The following NDOR1 variants were observed in gnomAD, a reference collection of about 807,000 sequenced individuals.
NDOR1 encodes the protein NADPH dependent diflavin oxidoreductase 1, also known as NADPH-dependent diflavin oxidoreductase 1.
A neutral mutation model predicts 67.2 loss-of-function variants in NDOR1; 61 were observed. The observed-to-expected ratio is 0.91, with a 90% CI of 0.74 to 1.12. NDOR1 has a LOEUF of 1.12. Ranked by LOEUF, NDOR1 falls within the 50% of genes most tolerant of loss-of-function variation. The pLI is 0.00. For synonymous variants in NDOR1, 378 were observed against 343.7 expected, an observed-to-expected ratio of 1.10 and a Z score of -1.10; for missense variants, 878 against 802.8, an observed-to-expected ratio of 1.09 and a Z score of -1.13.
Position 137,214,997 on chromosome 9 carries a change from G to GC in NDOR1, c.1048dup (p.Arg350ProfsTer10), listed in dbSNP as rs2131375574. 4.3e-6 allele frequency: 7 copies of GC among 1,613,140 alleles called. No individual in the cohort carries two copies. The highest frequency in any genetic ancestry group is 4.2e-6 in the Non-Finnish European group (5 of 1,179,530). ...AGGAGCTCTTTGAATACTGCAACCG[G>GC]CCCCGCAGGACCATCCTGGAGGTGA... On this transcript the variant is annotated frameshift_variant, in exon 8 of 14. Coordinates refer to ENST00000684003, the MANE Select transcript of NDOR1 (RefSeq NM_014434.4). LOFTEE classifies it high-confidence loss of function.
chr9:137,215,001 C>G lies in NDOR1; in HGVS notation c.1048C>G (p.Arg350Gly). Residue 350 changes from arginine (R) to glycine (G), a missense_variant, in exon 8 of 14, where the codon CGC (arginine) becomes GGC (glycine). Physicochemically the swap from Arg to Gly is moderately radical, Grantham distance 125. Coordinates refer to ENST00000684003, the MANE Select transcript of NDOR1 (RefSeq NM_014434.4). ...GCTCTTTGAATACTGCAACCGGCCC[C>G]GCAGGACCATCCTGGAGGTGAGATG... ...EELFEYCNRPRRTILEVLCDF... is the reference protein window; with the variant it reads ...EELFEYCNRPGRTILEVLCDF... 1 of 1,612,848 alleles carries G rather than the reference C, an allele frequency of 6.2e-7. No individual in the cohort carries two copies. The highest frequency in any genetic ancestry group is 8.5e-7 in the Non-Finnish European group (1 of 1,179,230).
rs1378360108 is a variant in NDOR1, at chr9:137,214,784, C to T, written c.845-14C>T. The T allele has an allele frequency of 1.9e-6, 3 of 1,599,180 alleles. No individual in the cohort carries two copies. Among genetic ancestry groups the T allele is most frequent in the Admixed American group, 1.7e-5 (1 of 59,930 alleles). On this transcript the variant is annotated splice_polypyrimidine_tract_variant and intron_variant, in intron 7 of 13. Coordinates refer to ENST00000684003, the MANE Select transcript of NDOR1 (RefSeq NM_014434.4). ...TCCGCCGCAGCCCACGGAGGCCTCC[C>T]ACTCACCCTGCAGATGTCTCCTCCC...
rs1564401721 is a variant in NDOR1, at chr9:137,215,966, G to C, written c.1503G>C (p.Glu501Asp). Residue 501 changes from glutamate to aspartate, a missense_variant, in exon 12 of 14, where the codon GAG (glutamate) becomes GAC (aspartate). By Grantham distance (45) the Glu-to-Asp change is conservative (BLOSUM62 2). Coordinates refer to ENST00000684003, the MANE Select transcript of NDOR1 (RefSeq NM_014434.4). The stretch of plus-strand genomic sequence containing the variant: ...TCTACTGGGAGGCTGAGTGGCAGGA[G>C]CTGGAGAAGCGGGACTGTCTGACCC... ...QDFYWEAEWQ[E>D]LEKRDCLTLI... 6.2e-7 allele frequency: 1 copy of C among 1,613,388 alleles called. No homozygotes were observed. Among genetic ancestry groups the C allele is most frequent in the East Asian group, 2.2e-5 (1 of 44,892 alleles).
At position 137,217,507 on chromosome 9, in the gene NDOR1, T is replaced by C. The variant is rs1835678515; in HGVS notation, c.*1091T>C. 6.5e-6 allele frequency: 1 copy of C among 154,024 alleles called. No individual in the cohort carries two copies. The highest frequency in any genetic ancestry group is 2.4e-5 in the African/African-American group (1 of 41,532). The allele number at this position is 154,024 out of a possible 1,614,324, so 9.5% of individuals were successfully genotyped here. ...CGGTGGCTGTTCACACCCGCCTCGCTGTCTTGGAGTCTTGATCTGTCGTCG... is the reference window on the plus strand; with the variant it reads ...CGGTGGCTGTTCACACCCGCCTCGCCGTCTTGGAGTCTTGATCTGTCGTCG... On this transcript the variant is annotated 3_prime_UTR_variant, in exon 14 of 14. Transcript: ENST00000684003.
chr9:137,215,628 T>C, intron 10 of NDOR1, 31 bp from the exon 11 acceptor site: 1 of 1,586,542 alleles, frequency 6.3e-7, no homozygotes, highest in Non-Finnish European at 8.6e-7. Flanking sequence ...AGGTCTTTGA[T>C]CCTCTTCATG....
At position 137,214,808 on chromosome 9, in the gene NDOR1, C is replaced by T. The variant is rs752527246; in HGVS notation, c.855C>T (p.Ser285=). The T allele has an allele frequency of 5.6e-6, 9 of 1,603,250 alleles. No homozygotes were observed. The highest frequency in any genetic ancestry group is 7.6e-6 in the Non-Finnish European group (9 of 1,178,272). ...MLQPREPDVS[S]PTRLPQPCSM... ...CCACTCACCCTGCAGATGTCTCCTC[C>T]CCCACGAGGCTGCCCCAGCCCTGCT... The change falls in exon 8 of 14, where the codon TCC becomes TCT. Residue 285 remains serine, a synonymous_variant. Transcript: ENST00000684003.
In NDOR1 at chr9:137,206,328, G is replaced by A. The variant is rs1443130259; in HGVS notation, c.213+19G>A. The stretch of plus-strand genomic sequence containing the variant: ...CATGAAGGTAAGGCTGGCCTGATGT[G>A]GCTCCTCAGATCCCTGCCCTCGACC... On this transcript the variant is annotated intron_variant, in intron 2 of 13. Coordinates refer to ENST00000684003, the MANE Select transcript of NDOR1 (RefSeq NM_014434.4). 1.1e-5 allele frequency: 17 copies of A among 1,613,438 alleles called. No individual in the cohort carries two copies. The highest frequency in any genetic ancestry group is 1.4e-5 in the Non-Finnish European group (17 of 1,179,554).
In NDOR1 at chr9:137,215,682, G is replaced by T. The variant is rs1235034243; in HGVS notation, c.1312G>T (p.Val438Leu). 1 of 1,573,814 alleles carries T rather than the reference G, an allele frequency of 6.4e-7. No individual in the cohort carries two copies. Among genetic ancestry groups the T allele is most frequent in the South Asian group, 1.2e-5 (1 of 84,966 alleles). Reference protein sequence around the residue: ...GQGPVRVPLWVRPGSLAFPET... With the variant: ...GQGPVRVPLWLRPGSLAFPET... ...AGGACCTGTCCGGGTGCCCCTCTGG[G>T]TGCGGCCTGGGAGTCTGGCCTTCCC... is the stretch of plus-strand genomic sequence containing the variant. Residue 438 changes from valine (V) to leucine (L), a missense_variant, in exon 11 of 14, where the codon GTG (valine) becomes TTG (leucine). Transcript: ENST00000684003.
intron 2 of NDOR1, among the ~76,000 whole-genome samples, chr9:137,210,623 G>A (rs1490251436): frequency 2.6e-5 from 4 of 152,066 alleles, no homozygotes; most frequent in South Asian, 2.1e-4. Context: ...TGGGAGGATC[G>A]CTTGAGCCCA....
chr9:137,216,930 G>A lies in NDOR1; in HGVS notation c.*514G>A. The A allele has an allele frequency of 5.3e-6, 1 of 188,410 alleles. No individual in the cohort carries two copies. 11.7% of individuals were successfully genotyped at this position (188,410 alleles called of 1,614,324 possible). A position where few individuals can be genotyped will look rare whatever the true frequency, so the allele number is the denominator to read the frequency against. ...ATGCCAGCTCCTTGAGAGCAGTGGGGGTGTCCCAGGCCAGAGCAGCCTCTT... is the reference window on the plus strand; with the variant it reads ...ATGCCAGCTCCTTGAGAGCAGTGGGAGTGTCCCAGGCCAGAGCAGCCTCTT... On this transcript the variant is annotated 3_prime_UTR_variant, in exon 14 of 14. Transcript: ENST00000684003.
At position 137,216,318 on chromosome 9, in the gene NDOR1, A is replaced by G. The variant is rs755896139; in HGVS notation, c.1696A>G (p.Ile566Val). The change falls in exon 14 of 14, where the codon ATC (isoleucine) becomes GTC (valine). Residue 566 changes from isoleucine to valine, a missense_variant. Physicochemically the swap from Ile to Val is conservative, Grantham distance 29 (BLOSUM62 3). Transcript: ENST00000684003. ...GGACGTCTCGGAAGCCCTGATGTCC[A>G]TCTTCCAGGAGGAGGGTGGACTCTG... is the stretch of plus-strand genomic sequence containing the variant. ...PADVSEALMS[I>V]FQEEGGLCSP... is the part of the protein sequence containing the mutation. The G allele has an allele frequency of 5.0e-6, 8 of 1,611,820 alleles. No individual in the cohort carries two copies. The highest frequency in any genetic ancestry group is 5.9e-6 in the Non-Finnish European group (7 of 1,179,980).
chr9:137,214,646 G>T lies in NDOR1; in HGVS notation c.799G>T (p.Gly267Cys). 1 of 1,608,216 alleles carries T rather than the reference G, an allele frequency of 6.2e-7. No homozygotes were observed. ...TGTCCAGCGGTTCTGCCAGGTGCTG[G>T]GCCTGGACCCTGACCAGCTCTTCAT... ...AHVQRFCQVL[G>C]LDPDQLFMLQ... is the part of the protein sequence containing the mutation. The change falls in exon 7 of 14, where the codon GGC becomes TGC. Residue 267 changes from glycine (G) to cysteine (C), a missense_variant. By Grantham distance (159) the Gly-to-Cys change is radical. Coordinates refer to ENST00000684003, the MANE Select transcript of NDOR1 (RefSeq NM_014434.4).
rs55980756 is a variant in NDOR1 at position 137,215,025 on chromosome 9, T to A, written c.1065+7T>A. On this transcript the variant is annotated splice_region_variant and intron_variant, in intron 8 of 13. Transcript: ENST00000684003. ...CCGCAGGACCATCCTGGAGGTGAGA[T>A]GGGAGGGCGGCAGGCCCAGCCCCTG... The A allele has an allele frequency of 3.1e-6, 5 of 1,611,128 alleles. No individual in the cohort carries two copies. The South Asian group carries it at 5.5e-5, about 18-fold the overall frequency.
At chr9:137,209,738 AG>A (rs1835158606) in intron 2 of NDOR1, among the ~76,000 whole-genome samples, 1 of 152,190 alleles carries the variant, frequency 6.6e-6, no homozygotes, top group South Asian at 2.1e-4. Context: ...AGCAGACAGG[AG>A]AAAACAGAGG....
At position 137,215,683 on chromosome 9, in the gene NDOR1, T is replaced by G. The variant is rs1588815827; in HGVS notation, c.1313T>G (p.Val438Gly). The change falls in exon 11 of 14, where the codon GTG becomes GGG. Residue 438 changes from valine (V) to glycine (G), a missense_variant. By Grantham distance (109) the Val-to-Gly change is moderately radical. Coordinates refer to ENST00000684003, the MANE Select transcript of NDOR1 (RefSeq NM_014434.4). ...GQGPVRVPLWVRPGSLAFPET... is the reference protein window; with the variant it reads ...GQGPVRVPLWGRPGSLAFPET... Reference sequence around the variant, plus strand: ...GGACCTGTCCGGGTGCCCCTCTGGGTGCGGCCTGGGAGTCTGGCCTTCCCA... The same window carrying G: ...GGACCTGTCCGGGTGCCCCTCTGGGGGCGGCCTGGGAGTCTGGCCTTCCCA... The G allele has an allele frequency of 6.3e-7, 1 of 1,574,970 alleles. No individual in the cohort carries two copies. The highest frequency in any genetic ancestry group is 8.6e-7 in the Non-Finnish European group (1 of 1,160,018).
In NDOR1 at chr9:137,215,928, C is replaced by A. The variant is rs751952473; in HGVS notation, c.1465C>A (p.Arg489=). 1 of 1,613,640 alleles carries A rather than the reference C, an allele frequency of 6.2e-7. No individual in the cohort carries two copies. Among genetic ancestry groups the A allele is most frequent in the Non-Finnish European group, 8.5e-7 (1 of 1,180,010 alleles). The change falls in exon 12 of 14, where the codon CGG becomes AGG. Residue 489 remains arginine, a synonymous_variant. Transcript: ENST00000684003. The part of the protein sequence containing the change: ...GNFLFFGCRW[R]DQDFYWEAEW... Reference sequence around the variant, plus strand: ...CTTCTTGTTTTTTGGCTGCCGCTGGCGGGACCAAGACTTCTACTGGGAGGC... The same window carrying A: ...CTTCTTGTTTTTTGGCTGCCGCTGGAGGGACCAAGACTTCTACTGGGAGGC...
In NDOR1 at chr9:137,218,092, G is replaced by A; in HGVS notation, c.*1676G>A. ...AGGAGGAGTGCCCGATCTGCACAGAGCCCTACGGGCCCAGAGAGCGCCGCC... is the reference window on the plus strand; with the variant it reads ...AGGAGGAGTGCCCGATCTGCACAGAACCCTACGGGCCCAGAGAGCGCCGCC... On this transcript the variant is annotated 3_prime_UTR_variant, in exon 14 of 14. Transcript: ENST00000684003. 2.5e-6 allele frequency: 1 copy of A among 398,960 alleles called. No individual in the cohort carries two copies. Among genetic ancestry groups the A allele is most frequent in the Non-Finnish European group, 4.4e-6 (1 of 226,280 alleles). The allele number at this position is 398,960 out of a possible 1,614,324, so 24.7% of individuals were successfully genotyped here. A position where few individuals can be genotyped will look rare whatever the true frequency, so the allele number is the denominator to read the frequency against.
At chr9:137,207,940 C>T (rs1588790780) in intron 2 of NDOR1, among the ~76,000 whole-genome samples, 1 of 151,640 alleles carries the variant, frequency 6.6e-6, no homozygotes, top group African/African-American at 2.4e-5. Flanking sequence ...GTCAGGAGTT[C>T]GAGACCAGCC....
chr9:137,208,572 C>T (rs1835094885), intron 2 of NDOR1, among the ~76,000 whole-genome samples: 1 of 152,236 alleles, frequency 6.6e-6, no homozygotes, highest in East Asian at 1.9e-4. Context: ...CACAGTGGCT[C>T]ATGCCTGTAA....
Sources: gnomAD v4.1 joint callset for allele counts (sites outside exome capture counted in the v4.1 genomes callset) on GRCh38, gnomAD v4.1.1 for gene constraint, MANE v1.5 for transcripts, NCBI Gene and HGNC (gene_info 2026-07-23, HGNC 2026-07-21) for gene names.